Variants in GALNT11 observed in about 807,000 individuals in gnomAD.
GALNT11 encodes polypeptide N-acetylgalactosaminyltransferase 11, also known as UDP-GalNAc:polypeptide N-acetylgalactosaminyltransferase 11.
In GALNT11, 47 loss-of-function variants were observed where a neutral mutation model predicts 72.7. The observed-to-expected ratio is 0.65, with a 90% CI of 0.51 to 0.82. The LOEUF is 0.82. GALNT11 is among the 40% of genes least tolerant of loss of function. GALNT11 has a pLI of 0.00. For synonymous variants in GALNT11, 270 were observed against 286.6 expected, an observed-to-expected ratio of 0.94 and a Z score of 0.58; for missense variants, 677 against 778.4, an observed-to-expected ratio of 0.87 and a Z score of 1.55.
Position 152,102,100 on chromosome 7 carries a change from A to ATCGT in GALNT11, c.420-1011_420-1010insCGTT, listed in dbSNP as rs565875488. ...AATAAAATTTCAAATATAAAGTCTTATATTTGTTTCCTTTTGAAACCTCAT... is the reference window on the plus strand; with the variant it reads ...AATAAAATTTCAAATATAAAGTCTTATCGTTATTTGTTTCCTTTTGAAACCTCAT... On this transcript the variant is annotated intron_variant, in intron 3 of 11. Coordinates refer to ENST00000430044, the MANE Select transcript of GALNT11 (RefSeq NM_022087.4). Among the ~76,000 whole-genome samples, 4 of 152,294 alleles carry ATCGT rather than the reference A, an allele frequency of 2.6e-5. No individual in the cohort carries two copies. The South Asian group carries it at 8.3e-4, about 32-fold the overall frequency.
At chr7:152,056,784 T>A (rs1009529533) in intron 1 of GALNT11, among the ~76,000 whole-genome samples, 1 of 151,888 alleles carries the variant, frequency 6.6e-6, no homozygotes, top group Non-Finnish European at 1.5e-5. Flanking sequence ...TACAGAACCC[T>A]GCACCTGGGT....
rs535339698 is a variant in GALNT11, at chr7:152,077,592, T to G, written c.-38-16598T>G. On this transcript the variant is annotated intron_variant, in intron 1 of 11. Coordinates refer to ENST00000430044, the MANE Select transcript of GALNT11 (RefSeq NM_022087.4). ...GAAGCTCCATGGGGTCACCTGGGGG[T>G]TTAGTAAATCTCAAATGGTGAAATG... 8.6e-5 allele frequency among the ~76,000 whole-genome samples: 13 copies of G among 151,860 alleles called. No homozygotes were observed. The East Asian group carries it at 2.1e-3, about 25-fold the overall frequency.
intron 4 of GALNT11, 112 bp downstream of exon 4, chr7:152,103,390 G>A (rs1404175910): frequency 9.3e-6 from 10 of 1,080,726 alleles, no homozygotes; most frequent in African/African-American, 6.2e-5. Context: ...GATCCTACAC[G>A]TGCAGTCACA....
At chr7:152,071,356 A>G (rs2084635522) in intron 1 of GALNT11, among the ~76,000 whole-genome samples, 1 of 152,192 alleles carries the variant, frequency 6.6e-6, no homozygotes, top group South Asian at 2.1e-4. Context: ...TTGCTGAGAA[A>G]AAGAATTCAG....
chr7:152,116,924 C>A, intron 8 of GALNT11: 1 of 655,322 alleles, frequency 1.5e-6, no homozygotes. Flanking sequence ...CACACGCAGA[C>A]CCTCCTGGGA....
In GALNT11 at chr7:152,117,299, G is replaced by T; in HGVS notation, c.1376G>T (p.Gly459Val). The T allele has an allele frequency of 1.9e-6, 3 of 1,614,108 alleles. No homozygotes were observed. The highest frequency in any genetic ancestry group is 3.3e-4 in the Middle Eastern group (2 of 6,062). The change falls in exon 9 of 12, where the codon GGG (glycine) becomes GTG (valine). Residue 459 changes from glycine (G) to valine (V), a missense_variant. Gly to Val is a moderately radical substitution (Grantham distance 109). Coordinates refer to ENST00000430044, the MANE Select transcript of GALNT11 (RefSeq NM_022087.4). ...DNVYPEMQIS[G>V]SHAKPQQPIF... is the part of the protein sequence containing the mutation. ...GTATACCCAGAGATGCAGATATCTG[G>T]GTCCCACGCCAAACCCCAACAACCC...
At chr7:152,106,762 C>A (rs6464205) in intron 5 of GALNT11, among the ~76,000 whole-genome samples, 24,185 of 152,012 alleles carry the variant, frequency 0.16, 4,805 homozygotes, top group African/African-American at 0.46. Context: ...AGGATCTGTC[C>A]GAAGCAAGCC....
intron 1 of GALNT11, among the ~76,000 whole-genome samples, chr7:152,053,658 A>G (rs1288123078): frequency 6.6e-6 from 1 of 152,136 alleles, no homozygotes; most frequent in African/African-American, 2.4e-5. Flanking sequence ...AAAATGTGTA[A>G]CGGTTTCCGA....
chr7:152,108,337 G>A, intron 6 of GALNT11, 50 bp downstream of exon 6: 1 of 1,561,946 alleles, frequency 6.4e-7, no homozygotes, highest in Non-Finnish European at 8.7e-7. Flanking sequence ...TTCCTTAAAA[G>A]AGAACAAAAT....
chr7:152,065,144 G>C (rs770116937), intron 1 of GALNT11, among the ~76,000 whole-genome samples: 2 of 152,152 alleles, frequency 1.3e-5, no homozygotes, highest in African/African-American at 4.8e-5. Context: ...TGGAGGCTTC[G>C]TTCATTTCTT....
Position 152,106,763 on chromosome 7 carries a change from G to A in GALNT11, c.713-1275G>A, listed in dbSNP as rs973169025. On this transcript the variant is annotated intron_variant, in intron 5 of 11. Transcript: ENST00000430044. ...TTGAGATATAGTTTAGGATCTGTCC[G>A]AAGCAAGCCAGTTTGCATGGAAGTC... is the stretch of plus-strand genomic sequence containing the variant. 6.6e-5 allele frequency among the ~76,000 whole-genome samples: 10 copies of A among 152,244 alleles called. No individual in the cohort carries two copies. In the South Asian group the frequency reaches 1.0e-3, roughly 16 times the overall value.
intron 1 of GALNT11, among the ~76,000 whole-genome samples, chr7:152,057,584 G>A (rs909191895): frequency 3.3e-5 from 5 of 152,080 alleles, no homozygotes; most frequent in Admixed American, 6.6e-5. Context: ...TGGGATTGTA[G>A]GTGTGAACCA....
chr7:152,040,991 C>T (rs990261633), intron 1 of GALNT11, among the ~76,000 whole-genome samples: 5 of 152,194 alleles, frequency 3.3e-5, no homozygotes, highest in African/African-American at 4.8e-5. Context: ...GGCAGCTTCT[C>T]GATCTGTCCC....
At chr7:152,107,256 A>T (rs1317432137) in intron 5 of GALNT11, 2 of 152,184 alleles carry the variant, frequency 1.3e-5, no homozygotes, top group East Asian at 1.9e-4. Context: ...TAAAAAAAAA[A>T]AAAACCTCAG....
At chr7:152,121,214 G>T (rs896478032) in intron 11 of GALNT11, among the ~76,000 whole-genome samples, 1 of 152,186 alleles carries the variant, frequency 6.6e-6, no homozygotes, top group African/African-American at 2.4e-5. Context: ...AAATGAAACG[G>T]AACAGTTAGA....
At chr7:152,032,019 C>T (rs1363634058) in intron 1 of GALNT11, among the ~76,000 whole-genome samples, 1 of 152,158 alleles carries the variant, frequency 6.6e-6, no homozygotes, top group African/African-American at 2.4e-5. Flanking sequence ...AAGATTAGGC[C>T]TAGATATTTG....
chr7:152,076,787 C>T (rs374863590), intron 1 of GALNT11, among the ~76,000 whole-genome samples: 3 of 152,232 alleles, frequency 2.0e-5, no homozygotes, highest in African/African-American at 7.2e-5. Flanking sequence ...TGTTTATTTA[C>T]TGGGCTTGGT....
Position 152,117,147 on chromosome 7 carries a change from T to A in GALNT11, c.1234-10T>A. The A allele has an allele frequency of 1.3e-6, 2 of 1,571,566 alleles. No individual in the cohort carries two copies. Among genetic ancestry groups the A allele is most frequent in the African/African-American group, 1.4e-5 (1 of 72,506 alleles). On this transcript the variant is annotated splice_polypyrimidine_tract_variant and intron_variant, in intron 8 of 11. Transcript: ENST00000430044. Reference sequence around the variant, plus strand: ...TTCGATTTTCTTATTTTTACTTTTTTTAAATTCAGGAGCAGTATTTTTCCT... The same window carrying A: ...TTCGATTTTCTTATTTTTACTTTTTATAAATTCAGGAGCAGTATTTTTCCT...
chr7:152,100,908 A>G lies in GALNT11; in HGVS notation c.406A>G (p.Thr136Ala), dbSNP rs1338871788. Residue 136 changes from threonine (T) to alanine (A), a missense_variant, in exon 3 of 12, where the codon ACA becomes GCA. By Grantham distance (58) the Thr-to-Ala change is moderately conservative. Coordinates refer to ENST00000430044, the MANE Select transcript of GALNT11 (RefSeq NM_022087.4). ...GGGCTACCACAGAGATGTGCCAGACACAAGGAATGCAGCGTATGTGCCTTA... is the reference window on the plus strand; with the variant it reads ...GGGCTACCACAGAGATGTGCCAGACGCAAGGAATGCAGCGTATGTGCCTTA... Reference protein sequence around the residue: ...RLGYHRDVPDTRNAACKEKFY... With the variant: ...RLGYHRDVPDARNAACKEKFY... 1 of 1,613,968 alleles carries G rather than the reference A, an allele frequency of 6.2e-7. No individual in the cohort carries two copies. The highest frequency in any genetic ancestry group is 1.7e-5 in the Admixed American group (1 of 60,024).
Sources: gnomAD v4.1 joint callset for allele counts (sites outside exome capture counted in the v4.1 genomes callset) on GRCh38, gnomAD v4.1.1 for gene constraint, MANE v1.5 for transcripts, NCBI Gene and HGNC (gene_info 2026-07-23, HGNC 2026-07-21) for gene names.